POLR3K: variants seen among roughly 807,000 people sequenced by gnomAD.
POLR3K encodes the protein RNA polymerase III subunit K.
In POLR3K, 11 loss-of-function variants were observed where a neutral mutation model predicts 13.5. The ratio of observed to expected loss-of-function variants is 0.81; its 90% CI spans 0.51 to 1.35. The LOEUF (loss-of-function observed/expected upper bound fraction) is 1.35. Ranked by LOEUF, POLR3K falls within the 40% of genes most tolerant of loss-of-function variation. The pLI is 0.00. For synonymous variants in POLR3K, 56 were observed against 51.5 expected (o/e 1.09, Z -0.38); for missense variants, 144 against 145.3 (o/e 0.99, Z 0.05).
chr16:47,433 A>T lies in POLR3K; in HGVS notation c.324T>A (p.Asp108Glu), dbSNP rs1296983732. The T allele has an allele frequency of 6.2e-7, 1 of 1,612,568 alleles. No homozygotes were observed. The highest frequency in any genetic ancestry group is 1.3e-5 in the African/African-American group (1 of 74,890). ...CNAQCGHRWRD is the reference protein window; with the variant it reads ...CNAQCGHRWRE ...GGGCAGCTGGGCCATCCTGGCCCTA[A>T]TCCCTCCAGCGGTGTCCACACTGAG... The change falls in exon 3 of 3, where the codon GAT becomes GAA. Residue 108 changes from aspartate to glutamate, a missense_variant. Transcript: ENST00000293860.
intron 2 of POLR3K, among the ~76,000 whole-genome samples, chr16:48,593 C>T (rs1897303734): frequency 6.6e-6 from 1 of 152,044 alleles, no homozygotes; most frequent in African/African-American, 2.4e-5. Flanking sequence ...AGGCGGATCA[C>T]GAGGTCAGGA....
intron 1 of POLR3K, chr16:52,019 C>CAAAA: frequency 8.6e-6 from 1 of 116,240 alleles, no homozygotes; most frequent in Admixed American, 9.2e-5. Context: ...GACTCCATCT[C>CAAAA]AAAAAAAAAA....
rs1897331992 is a variant in POLR3K, at chr16:51,664, C to G, written c.112-19G>C. ...TTGTTACCTAACAAAAACAACACTTCAGACTCCAAGTAACTGAATAGCGCA... is the reference window on the plus strand; with the variant it reads ...TTGTTACCTAACAAAAACAACACTTGAGACTCCAAGTAACTGAATAGCGCA... On this transcript the variant is annotated intron_variant, in intron 1 of 2. Coordinates refer to ENST00000293860, the MANE Select transcript of POLR3K (RefSeq NM_016310.5). 1 of 1,599,664 alleles carries G rather than the reference C, an allele frequency of 6.3e-7. No homozygotes were observed. The highest frequency in any genetic ancestry group is 1.1e-5 in the South Asian group (1 of 90,806).
rs1388400449 is a variant in POLR3K, at chr16:53,559, T to G, written c.28A>C (p.Asn10His). ...TGTCCCTCCTCCACGATCAGCCCGT[T>G]CCCGCAGCCGGGGCAGAACAGCAGC... The part of the protein sequence containing the change: MLLFCPGCG[N>H]GLIVEEGQRC... Residue 10 changes from asparagine (N) to histidine (H), a missense_variant, in exon 1 of 3, where the codon AAC becomes CAC. Transcript: ENST00000293860. 1 of 1,613,116 alleles carries G rather than the reference T, an allele frequency of 6.2e-7. No individual in the cohort carries two copies. Among genetic ancestry groups the G allele is most frequent in the Non-Finnish European group, 8.5e-7 (1 of 1,179,722 alleles).
rs1457312860 is a variant in POLR3K at position 48,601 on chromosome 16, G to A, written c.200-1044C>T. ...CCAAGGCAGGCGGATCACGAGGTCA[G>A]GAGATCGAGACCATCCTGGCTAACA... On this transcript the variant is annotated intron_variant, in intron 2 of 2. Coordinates refer to ENST00000293860, the MANE Select transcript of POLR3K (RefSeq NM_016310.5). Among the ~76,000 whole-genome samples the A allele has an allele frequency of 2.6e-5, 4 of 151,896 alleles. 1 individual carries two copies. The highest frequency in any genetic ancestry group is 2.6e-4 in the Admixed American group (4 of 15,264).
chr16:53,338 T>A (rs1266617590), intron 1 of POLR3K, 138 bp downstream of exon 1: 1 of 1,413,604 alleles, frequency 7.1e-7, no homozygotes. Context: ...AGCCCACAGA[T>A]CTGCTGCAGA....
chr16:52,787 A>AAAAAAAAACAAT (rs1567150867), intron 1 of POLR3K, among the ~76,000 whole-genome samples: 1 of 26,038 alleles, frequency 3.8e-5, no homozygotes, highest in Non-Finnish European at 9.3e-5. Context: ...AAAAAAAAAA[A>AAAAAAAAACAAT]AAAAAAAACA....
At chr16:48,111 C>T (rs1897300442) in intron 2 of POLR3K, among the ~76,000 whole-genome samples, 1 of 151,304 alleles carries the variant, frequency 6.6e-6, no homozygotes, top group Admixed American at 6.6e-5. Flanking sequence ...AGGCTGGTCT[C>T]GAACTCCTGA....
chr16:47,201 G>A lies in POLR3K; in HGVS notation c.*229C>T. 1 of 381,442 alleles carries A rather than the reference G, an allele frequency of 2.6e-6. No homozygotes were observed. Among genetic ancestry groups the A allele is most frequent in the South Asian group, 3.9e-5 (1 of 25,748 alleles). 23.6% of individuals were successfully genotyped at this position (381,442 alleles called of 1,614,324 possible). A position where few individuals can be genotyped will look rare whatever the true frequency, so the allele number is the denominator to read the frequency against. ...CTTTACACAGAGCATATTTAGTTATGGGTCTCTGTCTCCTCCCCACACAGA... is the reference window on the plus strand; with the variant it reads ...CTTTACACAGAGCATATTTAGTTATAGGTCTCTGTCTCCTCCCCACACAGA... On this transcript the variant is annotated 3_prime_UTR_variant, in exon 3 of 3. Coordinates refer to ENST00000293860, the MANE Select transcript of POLR3K (RefSeq NM_016310.5).
In POLR3K at chr16:46,744, A is replaced by AAATAAATAAAT. The variant is rs56331526; in HGVS notation, c.*685_*686insATTTATTTATT. ...GTCTTAAATAAATAAATAAATAAAT[A>AAATAAATAAAT]AAATAAATAAATAAATAAATAGTAT... On this transcript the variant is annotated 3_prime_UTR_variant, in exon 3 of 3. Coordinates refer to ENST00000293860, the MANE Select transcript of POLR3K (RefSeq NM_016310.5). 54 of 104,836 alleles carry AAATAAATAAAT rather than the reference A, an allele frequency of 5.2e-4. No homozygotes were observed. Among genetic ancestry groups the AAATAAATAAAT allele is most frequent in the South Asian group, 1.5e-3 (6 of 3,978 alleles). The allele number at this position is 104,836 out of a possible 1,614,324, so 6.5% of individuals were successfully genotyped here.
intron 1 of POLR3K, among the ~76,000 whole-genome samples, chr16:52,698 A>T (rs1419299458): frequency 6.9e-6 from 1 of 144,596 alleles, no homozygotes; most frequent in African/African-American, 2.6e-5. Flanking sequence ...CCCGGGAGGC[A>T]GAGCTTGCAG....
chr16:51,564 T>C lies in POLR3K; in HGVS notation c.193A>G (p.Thr65Ala), dbSNP rs1897330630. The stretch of plus-strand genomic sequence containing the variant: ...AAACAGTTTTCCCTCTTACCTGCAG[T>C]AGAGTCAACATTCTCCCAGGCAGCT... Reference protein sequence around the residue: ...GAAAWENVDSTAESCPKCEHP... With the variant: ...GAAAWENVDSAAESCPKCEHP... Residue 65 changes from threonine (T) to alanine (A), a missense_variant, in exon 2 of 3, where the codon ACT (threonine) becomes GCT (alanine). Physicochemically the swap from Thr to Ala is moderately conservative, Grantham distance 58. Transcript: ENST00000293860. 6.2e-7 allele frequency: 1 copy of C among 1,613,164 alleles called. No homozygotes were observed.
rs1897292307 is a variant in POLR3K at position 47,330 on chromosome 16, C to G, written c.*100G>C. On this transcript the variant is annotated 3_prime_UTR_variant, in exon 3 of 3. Transcript: ENST00000293860. ...TCAAAAGGTTTATCTTTCCACCACA[C>G]TAGCAAAGACCCTCAGGACACACAA... The G allele has an allele frequency of 6.9e-7, 1 of 1,441,730 alleles. No homozygotes were observed. Among genetic ancestry groups the G allele is most frequent in the Non-Finnish European group, 9.3e-7 (1 of 1,070,770 alleles). The allele number at this position is 1,441,730 out of a possible 1,614,324, so 89.3% of individuals were successfully genotyped here. A position where few individuals can be genotyped will look rare whatever the true frequency, so the allele number is the denominator to read the frequency against.
At chr16:48,130 TCCG>T (rs1231511542) in intron 2 of POLR3K, among the ~76,000 whole-genome samples, 1 of 151,718 alleles carries the variant, frequency 6.6e-6, no homozygotes, top group African/African-American at 2.4e-5. Flanking sequence ...GACCTCATGA[TCCG>T]CCCACCTCAA....
chr16:48,612 C>T (rs1414151347), intron 2 of POLR3K, among the ~76,000 whole-genome samples: 1 of 151,528 alleles, frequency 6.6e-6, no homozygotes, highest in African/African-American at 2.4e-5. Flanking sequence ...GAGATCGAGA[C>T]CATCCTGGCT....
intron 1 of POLR3K, among the ~76,000 whole-genome samples, chr16:52,765 CAAAAAAAAA>C (rs946489081): frequency 4.5e-4 from 15 of 33,598 alleles, no homozygotes; most frequent in Non-Finnish European, 5.5e-4. Context: ...GACTCCGTCT[CAAAAAAAAA>C]AAAAAAAAAA....
In POLR3K at chr16:49,983, A is replaced by T. The variant is rs544754698; in HGVS notation, c.199+1575T>A. ...ATTTGTATGTTCTTTTTTTTGACAGAGTTTCGTTCTTGTTGCCCAGGCTGG... is the reference window on the plus strand; with the variant it reads ...ATTTGTATGTTCTTTTTTTTGACAGTGTTTCGTTCTTGTTGCCCAGGCTGG... On this transcript the variant is annotated intron_variant, in intron 2 of 2. Coordinates refer to ENST00000293860, the MANE Select transcript of POLR3K (RefSeq NM_016310.5). Among the ~76,000 whole-genome samples the T allele has an allele frequency of 1.0e-4, 15 of 150,280 alleles. 2 individuals carry two copies. The South Asian group carries it at 2.9e-3, about 29-fold the overall frequency.
intron 1 of POLR3K, chr16:51,915 G>C (rs1338452850): frequency 9.8e-6 from 3 of 306,026 alleles, no homozygotes; most frequent in Non-Finnish European, 1.9e-5. Context: ...AGCTACTCAG[G>C]AGGCTGAGGC....
At position 47,006 on chromosome 16, in the gene POLR3K, A is replaced by G. The variant is rs1897289582; in HGVS notation, c.*424T>C. 1 of 152,356 alleles carries G rather than the reference A, an allele frequency of 6.6e-6. No homozygotes were observed. The highest frequency in any genetic ancestry group is 6.5e-5 in the Admixed American group (1 of 15,294). 9.4% of individuals were successfully genotyped at this position (152,356 alleles called of 1,614,324 possible). A position where few individuals can be genotyped will look rare whatever the true frequency, so the allele number is the denominator to read the frequency against. ...AATATTCCAACTTTCATTTAAATGA[A>G]ATATTCAGAATTTTGATTAAAATAA... On this transcript the variant is annotated 3_prime_UTR_variant, in exon 3 of 3. Transcript: ENST00000293860.
Sources: gnomAD v4.1 joint callset for allele counts (sites outside exome capture counted in the v4.1 genomes callset) on GRCh38, gnomAD v4.1.1 for gene constraint, MANE v1.5 for transcripts, NCBI Gene and HGNC (gene_info 2026-07-23, HGNC 2026-07-21) for gene names.